Variants in CDH5 observed in about 807,000 individuals in gnomAD.
CDH5 encodes cadherin 5, also known as cadherin-5.
Under a neutral mutation model 62.0 loss-of-function variants are expected in CDH5, and 28 were observed. The ratio of observed to expected loss-of-function variants is 0.45; its 90% CI spans 0.33 to 0.62. The LOEUF is 0.62. Among genes scored for constraint, CDH5 ranks in the 20% least tolerant of loss-of-function variants. The pLI, the probability that CDH5 is intolerant of heterozygous loss-of-function variation, is 0.02. For missense variants in CDH5, 940 were observed against 1,065.1 expected (o/e 0.88, Z 1.63); for synonymous variants, 464 against 445.8 (o/e 1.04, Z -0.52).
intron 7 of CDH5, among the ~76,000 whole-genome samples, chr16:66,394,719 G>C (rs1199902626): frequency 6.6e-6 from 1 of 151,740 alleles, no homozygotes; most frequent in Non-Finnish European, 1.5e-5. Flanking sequence ...GCTTTTCTAT[G>C]TATGATAAAA....
At chr16:66,370,162 A>G (rs148206910) in intron 1 of CDH5, among the ~76,000 whole-genome samples, 271 of 152,170 alleles carry the variant, frequency 1.8e-3, no homozygotes, top group Non-Finnish European at 2.4e-3. Context: ...TACCATGCCT[A>G]GCTAATTTTG....
chr16:66,372,486 C>T (rs1471242062), intron 1 of CDH5, among the ~76,000 whole-genome samples: 1 of 152,222 alleles, frequency 6.6e-6, no homozygotes, highest in Non-Finnish European at 1.5e-5. Context: ...AGTTAACGTC[C>T]TGTGGGCCGG....
rs756771482 is a variant in CDH5 at position 66,403,185 on chromosome 16, C to A, written c.*16C>A. The A allele has an allele frequency of 6.3e-7, 1 of 1,594,630 alleles. No homozygotes were observed. Among genetic ancestry groups the A allele is most frequent in the Non-Finnish European group, 8.5e-7 (1 of 1,171,946 alleles). On this transcript the variant is annotated 3_prime_UTR_variant, in exon 12 of 12. Transcript: ENST00000341529. This position sits in a 1 kb window ranked among gnomAD's most constrained non-coding sequence, Gnocchi z 4.3. ...GCTGTATTAGGCGGCCGAGGTCACT[C>A]TGGGCCTGGGGACCCAAACCCCCTG... is the stretch of plus-strand genomic sequence containing the variant.
At chr16:66,376,110 T>TAATA (rs147053264) in intron 1 of CDH5, among the ~76,000 whole-genome samples, 3,051 of 150,774 alleles carry the variant, frequency 0.02, 39 homozygotes, top group Non-Finnish European at 0.025. Context: ...AAGGAAAAAA[T>TAATA]AATAAATAAA....
intron 2 of CDH5, among the ~76,000 whole-genome samples, chr16:66,383,040 A>G (rs923355871): frequency 6.6e-6 from 1 of 152,160 alleles, no homozygotes; most frequent in Non-Finnish European, 1.5e-5. Flanking sequence ...ACATCAGACA[A>G]ATTCCAACAG....
chr16:66,391,826 A>G (rs144388678), intron 6 of CDH5, among the ~76,000 whole-genome samples: 11 of 152,320 alleles, frequency 7.2e-5, no homozygotes, highest in African/African-American at 2.4e-4. Context: ...ACCACTAGTG[A>G]CGCTCTTAAG....
intron 10 of CDH5, among the ~76,000 whole-genome samples, chr16:66,399,586 T>C (rs1961246171): frequency 6.6e-6 from 1 of 152,176 alleles, no homozygotes; most frequent in South Asian, 2.1e-4. Flanking sequence ...GTGTTGACAG[T>C]CAATGACAGA....
chr16:66,393,794 T>C (rs1961129062), intron 7 of CDH5, among the ~76,000 whole-genome samples: 1 of 152,234 alleles, frequency 6.6e-6, no homozygotes, highest in Non-Finnish European at 1.5e-5. Flanking sequence ...TCCAGGTTTT[T>C]TAAACATTAG....
At chr16:66,374,147 G>A (rs1009790665) in intron 1 of CDH5, among the ~76,000 whole-genome samples, 3 of 152,190 alleles carry the variant, frequency 2.0e-5, no homozygotes, top group African/African-American at 7.2e-5. Flanking sequence ...CAACTACCTA[G>A]AAGGGTTGTT....
chr16:66,374,539 AG>A (rs1960750178), intron 1 of CDH5, among the ~76,000 whole-genome samples: 1 of 152,138 alleles, frequency 6.6e-6, no homozygotes, highest in East Asian at 1.9e-4. Flanking sequence ...ACAGAATCCA[AG>A]GGGCTTTTCT....
chr16:66,368,357 T>A (rs1398936279), intron 1 of CDH5, among the ~76,000 whole-genome samples: 2 of 152,052 alleles, frequency 1.3e-5, no homozygotes, highest in Non-Finnish European at 2.9e-5. Flanking sequence ...GCCCTACCAA[T>A]TTCAGCTTAT....
At chr16:66,379,134 C>CATGAGTAAA in intron 1 of CDH5, 185 bp from the exon 2 acceptor site, 1 of 545,114 alleles carries the variant, frequency 1.8e-6, no homozygotes. Context: ...TGTCCTAAAA[C>CATGAGTAAA]CGACCTTTCA....
chr16:66,375,450 A>G (rs1960767709), intron 1 of CDH5, among the ~76,000 whole-genome samples: 1 of 152,152 alleles, frequency 6.6e-6, no homozygotes, highest in African/African-American at 2.4e-5. Flanking sequence ...GGATTGCTTG[A>G]GCCCAGGAGT....
intron 1 of CDH5, among the ~76,000 whole-genome samples, chr16:66,374,666 G>A (rs1279641399): frequency 6.6e-6 from 1 of 151,068 alleles, no homozygotes; most frequent in African/African-American, 2.4e-5. Flanking sequence ...CTTTGCTGAA[G>A]TCTGGTGTAG....
chr16:66,373,914 C>T (rs1029072382), intron 1 of CDH5, among the ~76,000 whole-genome samples: 3 of 152,038 alleles, frequency 2.0e-5, no homozygotes, highest in Non-Finnish European at 2.9e-5. Context: ...AAATTAAATG[C>T]GCTGGCATGG....
chr16:66,382,371 A>G (rs1302468303), intron 2 of CDH5, among the ~76,000 whole-genome samples: 1 of 152,202 alleles, frequency 6.6e-6, no homozygotes, highest in Non-Finnish European at 1.5e-5. Flanking sequence ...ACACTTGCCC[A>G]GGGTCACACT....
chr16:66,368,511 G>A (rs1960628139), intron 1 of CDH5, among the ~76,000 whole-genome samples: 3 of 152,238 alleles, frequency 2.0e-5, no homozygotes, highest in Admixed American at 2.0e-4. Context: ...TTTCTGCAAA[G>A]TTGGATGATT....
At chr16:66,370,681 T>C (rs1960671375) in intron 1 of CDH5, among the ~76,000 whole-genome samples, 1 of 152,142 alleles carries the variant, frequency 6.6e-6, no homozygotes, top group Non-Finnish European at 1.5e-5. Context: ...GAGGCTGTGC[T>C]GGTGGCAGGT....
rs1960665765 is a variant in CDH5 at position 66,370,418 on chromosome 16, C to A, written c.-20+3660C>A. 2.0e-5 allele frequency among the ~76,000 whole-genome samples: 3 copies of A among 152,274 alleles called. 1 individual carries two copies. The South Asian group carries it at 6.2e-4, about 32-fold the overall frequency. On this transcript the variant is annotated intron_variant, in intron 1 of 11. Coordinates refer to ENST00000341529, the MANE Select transcript of CDH5 (RefSeq NM_001795.5). ...AGCCATCAGAGGACCTATTTGGGAACAAGGAGGAGCTTCTTTAAGTTATAC... is the reference window on the plus strand; with the variant it reads ...AGCCATCAGAGGACCTATTTGGGAAAAAGGAGGAGCTTCTTTAAGTTATAC...
Sources: allele counts gnomAD v4.1 joint callset (sites outside exome capture counted in the v4.1 genomes callset), GRCh38; gene constraint gnomAD v4.1.1; non-coding constraint Gnocchi (gnomAD v3.1); transcripts MANE v1.5; gene names NCBI Gene and HGNC (gene_info 2026-07-23, HGNC 2026-07-21).